Variants in ARID1B observed in about 807,000 individuals in gnomAD.
The protein encoded by ARID1B is AT-rich interaction domain 1B.
Under a neutral mutation model 212.3 loss-of-function variants are expected in ARID1B, and 30 were observed. That is an observed-to-expected ratio of 0.14 (90% CI 0.11 to 0.19). The LOEUF is 0.19. Ranked by LOEUF, ARID1B falls within the 10% of genes least tolerant of loss-of-function variation. The pLI is 1.00. For missense variants in ARID1B, 2,891 were observed against 3,204.0 expected (o/e 0.90, Z 2.36); for synonymous variants, 1,402 against 1,301.7 (o/e 1.08, Z -1.66).
intron 1 of ARID1B, among the ~76,000 whole-genome samples, chr6:156,812,936 GTGTGTGTGT>G (rs1562403924): frequency 2.8e-3 from 97 of 34,338 alleles, no homozygotes; most frequent in African/African-American, 0.016. Context: ...AATCCTGGGT[GTGTGTGTGT>G]GTGTGTGTGT....
intron 4 of ARID1B, among the ~76,000 whole-genome samples, chr6:157,064,129 G>A (rs530025650): frequency 3.0e-4 from 46 of 152,186 alleles, no homozygotes; most frequent in Non-Finnish European, 4.7e-4. Context: ...TCATTGGCCT[G>A]GATTCCCTAC....
chr6:156,994,107 G>A (rs901323325), intron 4 of ARID1B, among the ~76,000 whole-genome samples: 6 of 152,108 alleles, frequency 3.9e-5, no homozygotes, highest in Admixed American at 2.0e-4. Flanking sequence ...TTCTGTGCTT[G>A]CTTTTTCCAT....
intron 13 of ARID1B, chr6:157,185,935 A>G (rs932513087): frequency 3.9e-5 from 6 of 152,406 alleles, no homozygotes; most frequent in African/African-American, 1.4e-4. Context: ...GTCCCTTAAA[A>G]ACTGGGAAAT....
At chr6:157,093,355 C>T (rs1212868022) in intron 5 of ARID1B, among the ~76,000 whole-genome samples, 4 of 152,270 alleles carry the variant, frequency 2.6e-5, no homozygotes, top group African/African-American at 7.2e-5. Flanking sequence ...TCTGATAACC[C>T]TGGAGCCAGG....
chr6:157,156,325 A>G (rs1790572903), intron 8 of ARID1B, among the ~76,000 whole-genome samples: 1 of 152,246 alleles, frequency 6.6e-6, no homozygotes. Flanking sequence ...AATTAAATGT[A>G]AGCCTTTGCA....
At chr6:156,965,981 A>G (rs563136658) in intron 4 of ARID1B, among the ~76,000 whole-genome samples, 42 of 152,290 alleles carry the variant, frequency 2.8e-4, no homozygotes, top group African/African-American at 9.6e-4. Context: ...TTTTCTTTTA[A>G]TGAAGTACCA....
chr6:157,016,099 G>A (rs1304362682), intron 4 of ARID1B, among the ~76,000 whole-genome samples: 2 of 152,202 alleles, frequency 1.3e-5, no homozygotes, highest in Non-Finnish European at 2.9e-5. Context: ...CTTGTAGACA[G>A]TGTCTGTCAA....
rs569474079 is a variant in ARID1B, at chr6:156,781,400, A to G, written c.1791+1929A>G. On this transcript the variant is annotated intron_variant, in intron 1 of 19. Coordinates refer to ENST00000636930, the MANE Select transcript of ARID1B (RefSeq NM_001374828.1). ...GTTGTGCTGGGTGTCTTTTTTTCCA[A>G]ATAATTTTTCTTTCATGTTAATGCT... Among the ~76,000 whole-genome samples, 144 of 152,216 alleles carry G rather than the reference A, an allele frequency of 9.5e-4. No individual in the cohort carries two copies. The Middle Eastern group carries it at 0.024, about 25-fold the overall frequency.
intron 8 of ARID1B, chr6:157,166,532 A>G (rs1229368677): frequency 6.6e-6 from 1 of 152,326 alleles, no homozygotes. Flanking sequence ...AAAGTTAAAG[A>G]GTAGGGTCGG....
At chr6:157,101,690 C>T (rs1160394151) in intron 5 of ARID1B, among the ~76,000 whole-genome samples, 1 of 151,292 alleles carries the variant, frequency 6.6e-6, no homozygotes, top group Non-Finnish European at 1.5e-5. Context: ...TCTAATTTAC[C>T]TGCGAACTTG....
chr6:156,851,759 T>G (rs972305313), intron 2 of ARID1B, among the ~76,000 whole-genome samples: 4 of 152,264 alleles, frequency 2.6e-5, no homozygotes, highest in Non-Finnish European at 5.9e-5. Context: ...GTGCTTCACG[T>G]AGAAGACTAA....
intron 1 of ARID1B, among the ~76,000 whole-genome samples, chr6:156,812,972 G>A (rs979041037): frequency 0.033 from 2,999 of 90,712 alleles, 289 homozygotes; most frequent in East Asian, 0.06. Flanking sequence ...GTGTGTGTGT[G>A]TGTGTATGTA....
At chr6:157,042,028 TG>T (rs1481136185) in intron 4 of ARID1B, among the ~76,000 whole-genome samples, 6 of 152,218 alleles carry the variant, frequency 3.9e-5, no homozygotes, top group Admixed American at 3.9e-4. Context: ...CCTACAGGTC[TG>T]GCCTCGATTT....
intron 3 of ARID1B, among the ~76,000 whole-genome samples, chr6:156,920,539 GT>G (rs1489229883): frequency 6.6e-6 from 1 of 152,034 alleles, no homozygotes; most frequent in African/African-American, 2.4e-5. Flanking sequence ...TTTAATTAGA[GT>G]AACAAGCTCT....
chr6:157,085,327 C>T (rs925379966), intron 5 of ARID1B, among the ~76,000 whole-genome samples: 5 of 152,104 alleles, frequency 3.3e-5, no homozygotes, highest in Non-Finnish European at 5.9e-5. Context: ...AACATTTCTA[C>T]AGTCTATACT....
intron 2 of ARID1B, among the ~76,000 whole-genome samples, chr6:156,832,037 A>G (rs932153013): frequency 1.9e-4 from 29 of 152,250 alleles, no homozygotes; most frequent in Non-Finnish European, 3.7e-4. Context: ...TTAAAAGGCT[A>G]AAAATAACAG....
intron 15 of ARID1B, among the ~76,000 whole-genome samples, chr6:157,191,150 T>C (rs976852750): frequency 6.6e-6 from 1 of 152,038 alleles, no homozygotes; most frequent in African/African-American, 2.4e-5. Context: ...CTGGAGAATG[T>C]ACTGGAAAGA....
At chr6:156,944,962 G>A (rs1400248657) in intron 4 of ARID1B, among the ~76,000 whole-genome samples, 6 of 140,602 alleles carry the variant, frequency 4.3e-5, no homozygotes, top group East Asian at 2.1e-4. Flanking sequence ...TCGCTGTGTC[G>A]CCCAGGCTGG....
intron 2 of ARID1B, among the ~76,000 whole-genome samples, chr6:156,896,534 C>T (rs1788399663): frequency 7.0e-6 from 1 of 142,468 alleles, no homozygotes; most frequent in Non-Finnish European, 1.5e-5. Context: ...CGAGACCACA[C>T]CACTGCACTC....
Sources: allele counts gnomAD v4.1 joint callset (sites outside exome capture counted in the v4.1 genomes callset), GRCh38; gene constraint gnomAD v4.1.1; transcripts MANE v1.5; gene names NCBI Gene and HGNC (gene_info 2026-07-23, HGNC 2026-07-21).